Variants in TRIO observed in about 807,000 individuals in gnomAD.
The protein encoded by TRIO is trio Rho guanine nucleotide exchange factor, also known as triple functional domain protein.
Under a neutral mutation model 351.9 loss-of-function variants are expected in TRIO, and 58 were observed. The observed-to-expected ratio is 0.16, with a 90% CI of 0.13 to 0.21. The LOEUF (loss-of-function observed/expected upper bound fraction) is 0.21. TRIO is among the 10% of genes least tolerant of loss of function. The pLI, the probability that TRIO is intolerant of heterozygous loss-of-function variation, is 1.00. For synonymous variants in TRIO, 1,758 were observed against 1,595.7 expected, an observed-to-expected ratio of 1.10 and a Z score of -2.42; for missense variants, 3,201 against 4,027.8, an observed-to-expected ratio of 0.79 and a Z score of 5.56.
chr5:14,229,184 CCTGATCTAGAACAGGGTATGT>C (rs1234357736), intron 1 of TRIO, among the ~76,000 whole-genome samples: 2 of 151,634 alleles, frequency 1.3e-5, no homozygotes, highest in African/African-American at 2.4e-5. Flanking sequence ...CTGTTCATAC[CCTGATCTAGAACAGGGTATGT>C]CTGATCTAGA....
intron 38 of TRIO, 92 bp downstream of exon 38, chr5:14,471,558 T>A: frequency 6.5e-7 from 1 of 1,532,928 alleles, no homozygotes; most frequent in South Asian, 1.2e-5. Flanking sequence ...AGCTCTGAAT[T>A]ACCGAGATGA....
chr5:14,350,805 T>G (rs1221125963), intron 11 of TRIO, among the ~76,000 whole-genome samples: 1 of 152,120 alleles, frequency 6.6e-6, no homozygotes, highest in Non-Finnish European at 1.5e-5. Flanking sequence ...TTTGATCATA[T>G]TAAGGCGGCG....
chr5:14,479,149 CT>C (rs1755329019), intron 41 of TRIO, 111 bp from the exon 42 acceptor site: 1 of 853,508 alleles, frequency 1.2e-6, no homozygotes, highest in African/African-American at 1.7e-5. Flanking sequence ...AGCTGTGCAG[CT>C]TGGTTTTAAG....
intron 47 of TRIO, 138 bp downstream of exon 47, chr5:14,485,384 C>A: frequency 1.1e-6 from 1 of 896,274 alleles, no homozygotes; most frequent in Non-Finnish European, 1.5e-6. Context: ...CTAGATATTG[C>A]TTTATTTCAT....
chr5:14,204,137 T>C (rs1439471040), intron 1 of TRIO, among the ~76,000 whole-genome samples: 1 of 152,210 alleles, frequency 6.6e-6, no homozygotes, highest in Non-Finnish European at 1.5e-5. Context: ...GGGAAATGCT[T>C]GTTTTGAGTT....
chr5:14,159,210 A>T (rs1239080702), intron 1 of TRIO, among the ~76,000 whole-genome samples: 1 of 151,972 alleles, frequency 6.6e-6, no homozygotes, highest in African/African-American at 2.4e-5. Flanking sequence ...AATCACCTCT[A>T]TTTGAAGGAG....
At chr5:14,381,683 C>A (rs1019483303) in intron 21 of TRIO, among the ~76,000 whole-genome samples, 1 of 152,200 alleles carries the variant, frequency 6.6e-6, no homozygotes, top group Non-Finnish European at 1.5e-5. Flanking sequence ...AAAACTGTTA[C>A]AGTCGTGTTG....
intron 46 of TRIO, among the ~76,000 whole-genome samples, chr5:14,484,101 T>G (rs1460403685): frequency 6.7e-6 from 1 of 148,846 alleles, no homozygotes; most frequent in Non-Finnish European, 1.5e-5. Flanking sequence ...ACTGCACTCA[T>G]CCATCCCCTG....
chr5:14,175,148 C>T (rs1789330996), intron 1 of TRIO, among the ~76,000 whole-genome samples: 1 of 152,122 alleles, frequency 6.6e-6, no homozygotes, highest in Non-Finnish European at 1.5e-5. Flanking sequence ...ACCAGATTGC[C>T]ACTAGTTAGA....
At chr5:14,223,115 G>C (rs1334087162) in intron 1 of TRIO, among the ~76,000 whole-genome samples, 1 of 152,192 alleles carries the variant, frequency 6.6e-6, no homozygotes, top group Non-Finnish European at 1.5e-5. Flanking sequence ...CTGCTTATGA[G>C]TTGTCCCAGC....
chr5:14,423,846 C>T (rs1284348311), intron 34 of TRIO, among the ~76,000 whole-genome samples: 1 of 151,986 alleles, frequency 6.6e-6, no homozygotes, highest in Non-Finnish European at 1.5e-5. Flanking sequence ...ACCCCAGGGC[C>T]TGTGTCCCGC....
intron 10 of TRIO, among the ~76,000 whole-genome samples, chr5:14,332,813 C>T (rs750388020): frequency 1.1e-4 from 16 of 152,306 alleles, no homozygotes; most frequent in Admixed American, 3.3e-4. Context: ...CTACCTTCAC[C>T]GAGTCGCTGT....
intron 47 of TRIO, among the ~76,000 whole-genome samples, chr5:14,485,591 G>A (rs1006275171): frequency 2.6e-5 from 4 of 152,148 alleles, no homozygotes; most frequent in Non-Finnish European, 4.4e-5. Context: ...ATGTACGAGG[G>A]CCCAGTCCTA....
intron 23 of TRIO, 140 bp from the exon 24 acceptor site, chr5:14,388,473 A>C: frequency 1.2e-6 from 1 of 805,794 alleles, no homozygotes; most frequent in South Asian, 1.8e-5. Context: ...ATACTGTTCT[A>C]TTTGTGATTC....
chr5:14,391,114 A>C, intron 27 of TRIO, 124 bp downstream of exon 27: 1 of 729,386 alleles, frequency 1.4e-6, no homozygotes, highest in Non-Finnish European at 2.2e-6. Flanking sequence ...ATTTTTGTCT[A>C]TCATTTTGTC....
At chr5:14,404,752 C>T (rs1748556577) in intron 31 of TRIO, among the ~76,000 whole-genome samples, 1 of 152,150 alleles carries the variant, frequency 6.6e-6, no homozygotes, top group Admixed American at 6.5e-5. Context: ...GCTGCCTTTA[C>T]CCATCATTTC....
chr5:14,421,463 G>A (rs1462760178), intron 34 of TRIO, among the ~76,000 whole-genome samples: 1 of 151,654 alleles, frequency 6.6e-6, no homozygotes, highest in Non-Finnish European at 1.5e-5. Flanking sequence ...AATTAGCTGG[G>A]TGTGGCGGCA....
rs3804220 is a variant in TRIO at position 14,451,637 on chromosome 5, G to A, written c.5204-9382G>A. Among the ~76,000 whole-genome samples the A allele has an allele frequency of 4.6e-3, 708 of 152,326 alleles. 48 individuals carry two copies. The East Asian group carries it at 0.12, about 26-fold the overall frequency. On this transcript the variant is annotated intron_variant, in intron 34 of 56. Transcript: ENST00000344204. The stretch of plus-strand genomic sequence containing the variant: ...TAGGCCAGTTATACCTGATTACACC[G>A]GGACTGCCCTCTTTTCAAATAGTCT...
intron 53 of TRIO, among the ~76,000 whole-genome samples, chr5:14,501,348 GTGAT>G (rs1323138261): frequency 6.6e-6 from 1 of 152,224 alleles, no homozygotes; most frequent in Non-Finnish European, 1.5e-5. Context: ...TTTGGTTTAA[GTGAT>G]TGACGTGAAA....
Sources: gnomAD v4.1 joint callset for allele counts (sites outside exome capture counted in the v4.1 genomes callset) on GRCh38, gnomAD v4.1.1 for gene constraint, MANE v1.5 for transcripts, NCBI Gene and HGNC (gene_info 2026-07-23, HGNC 2026-07-21) for gene names.